Variants in LURAP1L observed in about 807,000 individuals in gnomAD.
The protein encoded by LURAP1L is leucine rich adaptor protein 1 like, also known as leucine rich adaptor protein 1-like.
LURAP1L carries 12 observed loss-of-function variants against 13.8 expected under a neutral mutation model. The ratio of observed to expected loss-of-function variants is 0.87; its 90% CI spans 0.56 to 1.41. The LOEUF is 1.41. Ranked by LOEUF, LURAP1L falls within the 40% of genes most tolerant of loss-of-function variation. LURAP1L has a pLI of 0.00. For missense variants in LURAP1L, 375 were observed against 292.9 expected, an observed-to-expected ratio of 1.28 and a Z score of -2.04; for synonymous variants, 139 against 119.2, an observed-to-expected ratio of 1.17 and a Z score of -1.08.
At chr9:12,782,927 C>A (rs1401923926) in intron 1 of LURAP1L, among the ~76,000 whole-genome samples, 1 of 152,026 alleles carries the variant, frequency 6.6e-6, no homozygotes, top group Non-Finnish European at 1.5e-5. Context: ...TTGTAGAGAT[C>A]TTTTACTTCT....
At chr9:12,804,323 T>C (rs1819626474) in intron 1 of LURAP1L, among the ~76,000 whole-genome samples, 1 of 150,694 alleles carries the variant, frequency 6.6e-6, no homozygotes, top group African/African-American at 2.4e-5. Context: ...TTTTTGTATG[T>C]GGCTCTGTTA....
intron 1 of LURAP1L, among the ~76,000 whole-genome samples, chr9:12,798,908 T>C (rs182694556): frequency 3.3e-5 from 5 of 152,286 alleles, no homozygotes; most frequent in African/African-American, 1.2e-4. Context: ...TATAATAGGG[T>C]AGAATCATTC....
chr9:12,794,310 C>A (rs780628362), intron 1 of LURAP1L, among the ~76,000 whole-genome samples: 1 of 152,014 alleles, frequency 6.6e-6, no homozygotes, highest in East Asian at 1.9e-4. Context: ...TGTTTGCTTT[C>A]TGTCTTAAGA....
intron 1 of LURAP1L, among the ~76,000 whole-genome samples, chr9:12,796,167 T>C (rs1227356877): frequency 6.6e-6 from 1 of 151,996 alleles, no homozygotes; most frequent in Non-Finnish European, 1.5e-5. Context: ...ATTTCCCATT[T>C]ATATAATTCT....
intron 1 of LURAP1L, among the ~76,000 whole-genome samples, chr9:12,813,062 G>C (rs1209964678): frequency 6.6e-6 from 1 of 152,002 alleles, no homozygotes; most frequent in African/African-American, 2.4e-5. Context: ...AAAGCCCTAA[G>C]GGGTAAAATG....
At position 12,821,681 on chromosome 9, in the gene LURAP1L, G is replaced by A. The variant is rs1047488322; in HGVS notation, c.608G>A (p.Ser203Asn). The A allele has an allele frequency of 6.2e-7, 1 of 1,614,048 alleles. No individual in the cohort carries two copies. The highest frequency in any genetic ancestry group is 8.5e-7 in the Non-Finnish European group (1 of 1,180,038). ...ACCCCTTCAGACTTGGACCAATTCA[G>A]TGACAGCTCCCTCATAGAGGACTCA... Reference protein sequence around the residue: ...HQTPSDLDQFSDSSLIEDSQA... With the variant: ...HQTPSDLDQFNDSSLIEDSQA... The change falls in exon 2 of 2, where the codon AGT (serine) becomes AAT (asparagine). Residue 203 changes from serine to asparagine, a missense_variant. By Grantham distance (46) the Ser-to-Asn change is conservative. Coordinates refer to ENST00000319264, the MANE Select transcript of LURAP1L (RefSeq NM_203403.2).
intron 1 of LURAP1L, among the ~76,000 whole-genome samples, chr9:12,812,536 T>G (rs1486593350): frequency 6.6e-6 from 1 of 152,186 alleles, no homozygotes; most frequent in African/African-American, 2.4e-5. Context: ...GTAAGTTTAC[T>G]AAAGCACTAC....
chr9:12,810,839 G>T (rs1020338311), intron 1 of LURAP1L, among the ~76,000 whole-genome samples: 2 of 152,092 alleles, frequency 1.3e-5, no homozygotes, highest in Non-Finnish European at 2.9e-5. Context: ...CCACCCAAAA[G>T]TTTCCAAATG....
chr9:12,782,610 T>C (rs980005594), intron 1 of LURAP1L, among the ~76,000 whole-genome samples: 1 of 152,224 alleles, frequency 6.6e-6, no homozygotes, highest in African/African-American at 2.4e-5. Context: ...TCTGTTTTTA[T>C]GCCAGTATCA....
intron 1 of LURAP1L, among the ~76,000 whole-genome samples, chr9:12,815,356 T>C (rs1011422120): frequency 1.3e-5 from 2 of 152,162 alleles, no homozygotes; most frequent in Non-Finnish European, 1.5e-5. Flanking sequence ...CTTTTAAAAA[T>C]ATATTCTAAA....
intron 1 of LURAP1L, among the ~76,000 whole-genome samples, chr9:12,796,443 T>C (rs1429124174): frequency 6.6e-6 from 1 of 152,072 alleles, no homozygotes; most frequent in Non-Finnish European, 1.5e-5. Flanking sequence ...AACATTGTGT[T>C]ATAAACCCTT....
intron 1 of LURAP1L, among the ~76,000 whole-genome samples, chr9:12,804,681 A>G (rs1819632610): frequency 6.6e-6 from 1 of 152,106 alleles, no homozygotes; most frequent in Non-Finnish European, 1.5e-5. Flanking sequence ...TTTTTTTTAA[A>G]TAGTAAAAAT....
intron 1 of LURAP1L, among the ~76,000 whole-genome samples, chr9:12,819,644 A>G (rs1819846948): frequency 6.6e-6 from 1 of 152,108 alleles, no homozygotes; most frequent in Admixed American, 6.5e-5. Context: ...AACTGGAGGG[A>G]CAGAAATCGG....
intron 1 of LURAP1L, among the ~76,000 whole-genome samples, chr9:12,795,968 GATAA>G (rs1819506903): frequency 2.0e-5 from 3 of 151,930 alleles, no homozygotes; most frequent in Non-Finnish European, 4.4e-5. Flanking sequence ...ACTAGTATAA[GATAA>G]ATAAATATTT....
chr9:12,780,450 G>A lies in LURAP1L; in HGVS notation c.312+4423G>A, dbSNP rs1410267132. Among the ~76,000 whole-genome samples, 6 of 152,038 alleles carry A rather than the reference G, an allele frequency of 3.9e-5. No individual in the cohort carries two copies. The East Asian group carries it at 7.7e-4, about 20-fold the overall frequency. On this transcript the variant is annotated intron_variant, in intron 1 of 1. Transcript: ENST00000319264. ...CTGAATTATTCATTTTCTTAAAAAG[G>A]GGCTAAACACTGTGGTGGATGTTGA...
intron 1 of LURAP1L, among the ~76,000 whole-genome samples, chr9:12,801,133 T>C (rs899887636): frequency 1.3e-4 from 20 of 152,232 alleles, no homozygotes; most frequent in African/African-American, 4.8e-4. Context: ...GCAAAAATAA[T>C]TTCCCAGTGA....
intron 1 of LURAP1L, among the ~76,000 whole-genome samples, chr9:12,801,408 G>A (rs1042057310): frequency 3.3e-5 from 5 of 151,924 alleles, no homozygotes; most frequent in African/African-American, 4.8e-5. Flanking sequence ...CCATACCCCA[G>A]TTCCTTATTA....
chr9:12,812,044 G>A (rs1819743803), intron 1 of LURAP1L, among the ~76,000 whole-genome samples: 1 of 152,194 alleles, frequency 6.6e-6, no homozygotes, highest in Non-Finnish European at 1.5e-5. Flanking sequence ...TCACAGCATT[G>A]TAGATGGCTT....
intron 1 of LURAP1L, among the ~76,000 whole-genome samples, chr9:12,782,637 A>G (rs1037461712): frequency 1.3e-5 from 2 of 152,130 alleles, no homozygotes; most frequent in Non-Finnish European, 2.9e-5. Flanking sequence ...TTTGGTTACT[A>G]TAACTCTGTA....
Sources: gnomAD v4.1 joint callset for allele counts (sites outside exome capture counted in the v4.1 genomes callset) on GRCh38, gnomAD v4.1.1 for gene constraint, MANE v1.5 for transcripts, NCBI Gene and HGNC (gene_info 2026-07-23, HGNC 2026-07-21) for gene names.